The following RSPRY1 variants were observed in gnomAD, a reference collection of about 807,000 sequenced individuals.
The protein encoded by RSPRY1 is ring finger and SPRY domain containing 1, also known as RING finger and SPRY domain-containing protein 1.
Under a neutral mutation model 73.1 loss-of-function variants are expected in RSPRY1, and 23 were observed. The ratio of observed to expected loss-of-function variants is 0.31; its 90% CI spans 0.23 to 0.45. RSPRY1 has a LOEUF of 0.45. Ranked by LOEUF, RSPRY1 falls within the 20% of genes least tolerant of loss-of-function variation. The pLI, the probability that RSPRY1 is intolerant of heterozygous loss-of-function variation, is 1.00. For missense variants in RSPRY1, 448 were observed against 698.7 expected, an observed-to-expected ratio of 0.64 and a Z score of 4.05; for synonymous variants, 226 against 251.4, an observed-to-expected ratio of 0.90 and a Z score of 0.95.
intron 1 of RSPRY1, among the ~76,000 whole-genome samples, chr16:57,196,911 G>A (rs2074456685): frequency 6.6e-6 from 1 of 152,186 alleles, no homozygotes; most frequent in African/African-American, 2.4e-5. Context: ...CAGTGGTACT[G>A]TGAGATAAGA....
intron 7 of RSPRY1, 103 bp from the exon 8 acceptor site, chr16:57,216,801 C>T: frequency 1.9e-6 from 2 of 1,079,006 alleles, no homozygotes; most frequent in Non-Finnish European, 2.8e-6. Flanking sequence ...ATCTAGTCTC[C>T]AATTCTTTAA....
intron 4 of RSPRY1, 59 bp from the exon 5 acceptor site, chr16:57,212,913 C>G: frequency 6.5e-7 from 1 of 1,539,706 alleles, no homozygotes; most frequent in Non-Finnish European, 8.8e-7. Context: ...AAAAAATGAG[C>G]CTGGGAAAAC....
In RSPRY1 at chr16:57,213,934, G is replaced by A. The variant is rs750331517; in HGVS notation, c.690G>A (p.Leu230=). The change falls in exon 6 of 15, where the codon TTG becomes TTA. Residue 230 remains leucine, a synonymous_variant. Coordinates refer to ENST00000394420, the MANE Select transcript of RSPRY1 (RefSeq NM_133368.3). Reference sequence around the variant, plus strand: ...TTAGCCCAGGAATACTGGAATACTTGCTACAGTGTCTGGTAAGTGAGACAT... The same window carrying A: ...TTAGCCCAGGAATACTGGAATACTTACTACAGTGTCTGGTAAGTGAGACAT... ...GLLSPGILEY[L]LQCLKLQSHP... 2.5e-6 allele frequency: 4 copies of A among 1,606,312 alleles called. No individual in the cohort carries two copies. The South Asian group carries it at 4.4e-5, about 18-fold the overall frequency.
rs114167820 is a variant in RSPRY1, at chr16:57,221,132, C to G, written c.1018-140C>G. ...TAGTTTGGTTTTGTACTTTTTGTCA[C>G]TGAGGATGGACAGAGGAGGAAGCAA... On this transcript the variant is annotated intron_variant, in intron 9 of 14. Transcript: ENST00000394420. 1.7e-3 allele frequency: 1,750 copies of G among 1,060,048 alleles called. 18 individuals carry two copies. In the African/African-American group the frequency reaches 0.026, roughly 15 times the overall value. The allele number at this position is 1,060,048 out of a possible 1,614,324, so 65.7% of individuals were successfully genotyped here.
chr16:57,194,473 G>A (rs2074403924), intron 1 of RSPRY1, among the ~76,000 whole-genome samples: 1 of 152,078 alleles, frequency 6.6e-6, no homozygotes, highest in Non-Finnish European at 1.5e-5. Context: ...CACACTTAGG[G>A]AAAAATCCGA....
At chr16:57,201,097 C>G (rs1202259705) in intron 1 of RSPRY1, among the ~76,000 whole-genome samples, 2 of 151,792 alleles carry the variant, frequency 1.3e-5, no homozygotes, top group African/African-American at 2.4e-5. Flanking sequence ...GGCTGCCGGG[C>G]GGAGACGCTC....
In RSPRY1 at chr16:57,231,260, ATT is replaced by A; in HGVS notation, c.1472_1473del (p.Phe491Ter). 6.2e-7 allele frequency: 1 copy of A among 1,613,938 alleles called. No homozygotes were observed. Among genetic ancestry groups the A allele is most frequent in the Non-Finnish European group, 8.5e-7 (1 of 1,179,960 alleles). Reference sequence around the variant, plus strand: ...CATTCAAATACCCACCATCTATGAAATTTAGCACTTTTAATGACTACGCCTTC... The same window carrying A: ...CATTCAAATACCCACCATCTATGAAATAGCACTTTTAATGACTACGCCTTC... ...KPFKYPPSMK[F>X]STFNDYAFLT... On this transcript the variant is annotated frameshift_variant, in exon 13 of 15. Coordinates refer to ENST00000394420, the MANE Select transcript of RSPRY1 (RefSeq NM_133368.3). LOFTEE classifies it high-confidence loss of function.
intron 14 of RSPRY1, among the ~76,000 whole-genome samples, chr16:57,236,206 T>G (rs1567519311): frequency 6.6e-6 from 1 of 152,238 alleles, no homozygotes; most frequent in Non-Finnish European, 1.5e-5. Context: ...GATCTTTGTT[T>G]CTGTAAGAAT....
chr16:57,231,472 G>T (rs542910315), intron 13 of RSPRY1, among the ~76,000 whole-genome samples, 153 bp downstream of exon 13: 1 of 152,120 alleles, frequency 6.6e-6, no homozygotes, highest in African/African-American at 2.4e-5. Context: ...TTCTAAGATC[G>T]CAGAAGAAAT....
At chr16:57,188,160 C>T (rs2074284567) in intron 1 of RSPRY1, among the ~76,000 whole-genome samples, 1 of 152,204 alleles carries the variant, frequency 6.6e-6, no homozygotes, top group Non-Finnish European at 1.5e-5. Flanking sequence ...TTTTAAATTT[C>T]TCTTGCACAG....
intron 1 of RSPRY1, among the ~76,000 whole-genome samples, chr16:57,188,586 G>A (rs975780561): frequency 6.6e-5 from 10 of 151,676 alleles, no homozygotes; most frequent in Admixed American, 5.9e-4. Flanking sequence ...GCGCTATCTC[G>A]GCTCACTGCA....
chr16:57,200,160 A>G (rs1410786031), intron 1 of RSPRY1, among the ~76,000 whole-genome samples: 2 of 149,364 alleles, frequency 1.3e-5, no homozygotes, highest in East Asian at 2.0e-4. Context: ...ATCTTGCACC[A>G]CCCTTAATCC....
intron 13 of RSPRY1, among the ~76,000 whole-genome samples, chr16:57,233,842 C>T (rs1173980050): frequency 1.3e-5 from 2 of 152,114 alleles, no homozygotes; most frequent in Admixed American, 6.5e-5. Flanking sequence ...CTGCTGCTAC[C>T]ATGGTCCAAG....
intron 14 of RSPRY1, among the ~76,000 whole-genome samples, chr16:57,238,551 T>A (rs149986174): frequency 1.3e-5 from 2 of 152,300 alleles, no homozygotes; most frequent in African/African-American, 4.8e-5. Flanking sequence ...GACTGTTTGG[T>A]AAATGATTCT....
At chr16:57,199,302 G>A (rs1206252933) in intron 1 of RSPRY1, among the ~76,000 whole-genome samples, 1 of 152,204 alleles carries the variant, frequency 6.6e-6, no homozygotes, top group African/African-American at 2.4e-5. Context: ...AGACCAGCCT[G>A]ACCAACATGG....
intron 1 of RSPRY1, among the ~76,000 whole-genome samples, chr16:57,196,389 C>G (rs1411448948): frequency 6.6e-6 from 1 of 152,140 alleles, no homozygotes; most frequent in African/African-American, 2.4e-5. Context: ...CAGTTTGCCC[C>G]CTAGTTCAGT....
rs139706857 is a variant in RSPRY1, at chr16:57,215,514, G to A, written c.703-593G>A. 5.8e-3 allele frequency among the ~76,000 whole-genome samples: 880 copies of A among 152,278 alleles called. 5 individuals are homozygous for A. The highest frequency in any genetic ancestry group is 9.2e-3 in the Non-Finnish European group (625 of 68,018). ...CTATGAGAAGGTGTCATGTTCAACA[G>A]ATAGACCTTTCCTTAAAGGGGAACT... On this transcript the variant is annotated intron_variant, in intron 6 of 14. Transcript: ENST00000394420.
intron 1 of RSPRY1, among the ~76,000 whole-genome samples, chr16:57,187,717 C>T (rs1416135718): frequency 6.6e-6 from 1 of 152,098 alleles, no homozygotes; most frequent in Non-Finnish European, 1.5e-5. Context: ...CTGTCACCTG[C>T]GGAGTGCTGG....
Position 57,215,466 on chromosome 16 carries a change from A to G in RSPRY1, c.703-641A>G, listed in dbSNP as rs150639937. 7.0e-4 allele frequency among the ~76,000 whole-genome samples: 107 copies of G among 152,320 alleles called. 1 individual carries two copies. The East Asian group carries it at 0.017, about 24-fold the overall frequency. ...TCTGGAGCTCCTCTGGTGGCTCCCAATGTAGCAGTAGGGAAAGCACAGCTA... is the reference window on the plus strand; with the variant it reads ...TCTGGAGCTCCTCTGGTGGCTCCCAGTGTAGCAGTAGGGAAAGCACAGCTA... On this transcript the variant is annotated intron_variant, in intron 6 of 14. Coordinates refer to ENST00000394420, the MANE Select transcript of RSPRY1 (RefSeq NM_133368.3).
Sources: gnomAD v4.1 joint callset for allele counts (sites outside exome capture counted in the v4.1 genomes callset) on GRCh38, gnomAD v4.1.1 for gene constraint, MANE v1.5 for transcripts, NCBI Gene and HGNC (gene_info 2026-07-23, HGNC 2026-07-21) for gene names.